PTCHD4: variants seen among roughly 807,000 people sequenced by gnomAD.
The protein encoded by PTCHD4 is patched domain-containing protein 4.
Under a neutral mutation model 58.1 loss-of-function variants are expected in PTCHD4, and 33 were observed. The observed-to-expected ratio is 0.57, with a 90% CI of 0.43 to 0.76. The LOEUF (loss-of-function observed/expected upper bound fraction) is 0.76. Among genes scored for constraint, PTCHD4 ranks in the 30% least tolerant of loss-of-function variants. The pLI, the probability that PTCHD4 is intolerant of heterozygous loss-of-function variation, is 0.00. For missense variants in PTCHD4, 1,058 were observed against 1,027.1 expected, an observed-to-expected ratio of 1.03 and a Z score of -0.41; for synonymous variants, 478 against 409.6, an observed-to-expected ratio of 1.17 and a Z score of -2.02.
chr6:48,047,025 T>G (rs184343817), intron 3 of PTCHD4, among the ~76,000 whole-genome samples: 3 of 151,884 alleles, frequency 2.0e-5, no homozygotes, highest in Admixed American at 6.6e-5. Context: ...GGATTCACTA[T>G]GAGAGCCTGA....
At chr6:48,106,928 C>T (rs546772448) in intron 1 of PTCHD4, among the ~76,000 whole-genome samples, 17 of 152,230 alleles carry the variant, frequency 1.1e-4, no homozygotes, top group East Asian at 3.9e-4. Context: ...GAACTACAAA[C>T]GACTGCTCAA....
intron 4 of PTCHD4, among the ~76,000 whole-genome samples, chr6:47,997,594 C>G (rs182239920): frequency 6.6e-6 from 1 of 152,136 alleles, no homozygotes; most frequent in Admixed American, 6.5e-5. Flanking sequence ...TTATATTAAA[C>G]TCAAACTCAG....
At chr6:48,046,621 A>T (rs1764045460) in intron 3 of PTCHD4, among the ~76,000 whole-genome samples, 1 of 151,838 alleles carries the variant, frequency 6.6e-6, no homozygotes, top group Non-Finnish European at 1.5e-5. Flanking sequence ...TTCTAAACTT[A>T]CTGATATTAT....
intron 3 of PTCHD4, among the ~76,000 whole-genome samples, chr6:48,039,402 A>G (rs1763762914): frequency 1.3e-5 from 2 of 152,244 alleles, no homozygotes; most frequent in South Asian, 4.1e-4. Flanking sequence ...AATAAGGGAA[A>G]GAGATGGTCA....
chr6:48,027,849 C>T (rs146088583), intron 3 of PTCHD4, among the ~76,000 whole-genome samples: 11 of 152,026 alleles, frequency 7.2e-5, no homozygotes, highest in South Asian at 2.1e-4. Flanking sequence ...TTTCTCTCAA[C>T]ATATGTAATC....
chr6:48,066,145 C>T (rs983162929), intron 3 of PTCHD4, among the ~76,000 whole-genome samples: 1 of 151,134 alleles, frequency 6.6e-6, no homozygotes, highest in Non-Finnish European at 1.5e-5. Context: ...ACCCAGACTA[C>T]TACTGCTAAG....
rs375772438 is a variant in PTCHD4, at chr6:47,950,931, T to C, written c.898+57703A>G. On this transcript the variant is annotated intron_variant, in intron 4 of 4. Transcript: ENST00000339488. ...AATTAAGAATGGAATAGTCAATGTG[T>C]CAATTGATGGAATTTGGGAAGAGTG... 1.5e-4 allele frequency among the ~76,000 whole-genome samples: 23 copies of C among 152,250 alleles called. No homozygotes were observed. The East Asian group carries it at 1.9e-3, about 13-fold the overall frequency.
At chr6:48,024,262 C>T (rs1763166152) in intron 3 of PTCHD4, among the ~76,000 whole-genome samples, 2 of 152,028 alleles carry the variant, frequency 1.3e-5, no homozygotes. Flanking sequence ...AAGCAATATT[C>T]TATCAACCCT....
chr6:48,042,653 C>T (rs1450460329), intron 3 of PTCHD4, among the ~76,000 whole-genome samples: 1 of 151,872 alleles, frequency 6.6e-6, no homozygotes, highest in Non-Finnish European at 1.5e-5. Context: ...ATTCAAGATG[C>T]TGTTTGCTTG....
At chr6:47,891,759 G>A (rs1335970039) in intron 4 of PTCHD4, among the ~76,000 whole-genome samples, 2 of 151,368 alleles carry the variant, frequency 1.3e-5, no homozygotes, top group African/African-American at 4.9e-5. Flanking sequence ...GATGGCGTGG[G>A]TTTTTCCTCA....
Position 47,868,617 on chromosome 6 carries a change from G to A in PTCHD4, c.*9686C>T, listed in dbSNP as rs1763636945. Among the ~76,000 whole-genome samples, 1 of 151,684 alleles carries A rather than the reference G, an allele frequency of 6.6e-6. No individual in the cohort carries two copies. The highest frequency in any genetic ancestry group is 2.4e-5 in the African/African-American group (1 of 41,368). ...TGCCATTTTTAAAATAAAATCAGTG[G>A]AGAATTTCAACTTGAAGCACATATA... On this transcript the variant is annotated 3_prime_UTR_variant, in exon 5 of 5. Transcript: ENST00000339488.
chr6:48,047,781 C>T lies in PTCHD4; in HGVS notation c.417+20449G>A, dbSNP rs1764090114. On this transcript the variant is annotated intron_variant, in intron 3 of 4. Coordinates refer to ENST00000339488, the MANE Select transcript of PTCHD4 (RefSeq NM_001384253.1). ...AGAGAGAAAAGAGCAGTCTATGCACCAGGGGCTGGGGCCCACATCAGACCA... is the reference window on the plus strand; with the variant it reads ...AGAGAGAAAAGAGCAGTCTATGCACTAGGGGCTGGGGCCCACATCAGACCA... Among the ~76,000 whole-genome samples, 2 of 151,718 alleles carry T rather than the reference C, an allele frequency of 1.3e-5. 1 individual carries two copies. Among genetic ancestry groups the T allele is most frequent in the South Asian group, 4.1e-4 (2 of 4,824 alleles).
intron 4 of PTCHD4, among the ~76,000 whole-genome samples, chr6:47,984,096 T>C (rs1156979578): frequency 6.6e-6 from 1 of 152,194 alleles, no homozygotes; most frequent in African/African-American, 2.4e-5. Flanking sequence ...TAAATAAGTA[T>C]ATTTATAAAT....
At chr6:48,078,790 C>A (rs1464632278) in intron 1 of PTCHD4, among the ~76,000 whole-genome samples, 2 of 152,066 alleles carry the variant, frequency 1.3e-5, no homozygotes, top group African/African-American at 4.8e-5. Context: ...TCTGGAAGAA[C>A]CAGAATATAT....
At chr6:48,078,789 A>G (rs1765107620) in intron 1 of PTCHD4, among the ~76,000 whole-genome samples, 1 of 152,148 alleles carries the variant, frequency 6.6e-6, no homozygotes, top group Non-Finnish European at 1.5e-5. Flanking sequence ...TTCTGGAAGA[A>G]CCAGAATATA....
intron 1 of PTCHD4, among the ~76,000 whole-genome samples, chr6:48,071,864 A>T (rs746217579): frequency 6.6e-6 from 1 of 152,082 alleles, no homozygotes; most frequent in Non-Finnish European, 1.5e-5. Flanking sequence ...TATTGGTCAG[A>T]TATTTGGTGG....
chr6:48,008,782 G>T lies in PTCHD4; in HGVS notation c.750C>A (p.Ser250=), dbSNP rs866209556. 6.2e-7 allele frequency: 1 copy of T among 1,613,870 alleles called. No individual in the cohort carries two copies. Among genetic ancestry groups the T allele is most frequent in the African/African-American group, 1.3e-5 (1 of 74,948 alleles). The change falls in exon 4 of 5, where the codon TCC becomes TCA. Residue 250 remains serine, a synonymous_variant. Transcript: ENST00000339488. ...GCTTACTGCGCAAGCAGTCCTTCAT[G>T]GAGCTGGAGAGGGTGGCTGTGGTCA... ...LILTTATLSS[S]MKDCLRSKPF...
chr6:47,920,551 G>A (rs1028532148), intron 4 of PTCHD4, among the ~76,000 whole-genome samples: 23 of 152,104 alleles, frequency 1.5e-4, no homozygotes, highest in African/African-American at 3.9e-4. Context: ...AATTGAAATT[G>A]TCATCCAATA....
At chr6:47,954,455 C>T (rs921404046) in intron 4 of PTCHD4, among the ~76,000 whole-genome samples, 1 of 152,122 alleles carries the variant, frequency 6.6e-6, no homozygotes, top group African/African-American at 2.4e-5. Context: ...ATATTAAGTG[C>T]CTGTTCTGTG....
Sources: allele counts gnomAD v4.1 joint callset (sites outside exome capture counted in the v4.1 genomes callset), GRCh38; gene constraint gnomAD v4.1.1; transcripts MANE v1.5; gene names NCBI Gene and HGNC (gene_info 2026-07-23, HGNC 2026-07-21).